Variants in CLECL1 observed in about 807,000 individuals in gnomAD.
The protein encoded by CLECL1 is C-type lectin like 1, also known as C-type lectin-like domain family 1.
At chr12:9,715,410 G>C (rs1379931611), downstream of CLECL1, among the ~76,000 whole-genome samples, 1 of 152,146 alleles carries the variant, frequency 6.6e-6, no homozygotes, top group East Asian at 1.9e-4. Context: ...GTGATCATGG[G>C]AGGTTCAAAG....
At chr12:9,710,691 CAG>C in the CLECL1 span, among the ~76,000 whole-genome samples, 2 of 152,134 alleles carry the variant, frequency 1.3e-5, no homozygotes, top group Non-Finnish European at 2.9e-5. Context: ...GAGGAACACA[CAG>C]GGAGAGGAAC....
downstream of CLECL1, among the ~76,000 whole-genome samples, chr12:9,721,118 T>A (rs1866304403): frequency 6.6e-6 from 1 of 152,214 alleles, no homozygotes; most frequent in South Asian, 2.1e-4. Flanking sequence ...TTTTTATGCC[T>A]CTTTCCCTGC....
chr12:9,706,000 G>C, the CLECL1 span, among the ~76,000 whole-genome samples: 2,514 of 152,148 alleles, frequency 0.017, 60 homozygotes, highest in African/African-American at 0.054. Flanking sequence ...TTCTTCCTAT[G>C]CATAAGCATG....
downstream of CLECL1, among the ~76,000 whole-genome samples, chr12:9,720,932 C>A (rs1866302645): frequency 6.6e-6 from 1 of 152,214 alleles, no homozygotes; most frequent in South Asian, 2.1e-4. Flanking sequence ...TCCTCTCTCT[C>A]GCATGTGCCT....
intron 3 of CLECL1, among the ~76,000 whole-genome samples, chr12:9,727,084 C>A (rs1190848716): frequency 6.6e-6 from 1 of 151,412 alleles, no homozygotes; most frequent in Non-Finnish European, 1.5e-5. Context: ...AAATTAAAAT[C>A]AAATAACCTA....
upstream of CLECL1, among the ~76,000 whole-genome samples, chr12:9,734,111 G>A (rs897707321): frequency 6.6e-6 from 1 of 152,232 alleles, no homozygotes; most frequent in Non-Finnish European, 1.5e-5. Flanking sequence ...ATCTGCATAT[G>A]GAAAAACTGG....
the CLECL1 span, among the ~76,000 whole-genome samples, chr12:9,703,887 C>T: frequency 6.6e-6 from 1 of 151,854 alleles, no homozygotes; most frequent in Non-Finnish European, 1.5e-5. Context: ...TATTGACTTG[C>T]GTATTCTACA....
At chr12:9,721,352 A>C (rs1231421877), downstream of CLECL1, among the ~76,000 whole-genome samples, 1 of 151,310 alleles carries the variant, frequency 6.6e-6, no homozygotes, top group African/African-American at 2.4e-5. Context: ...TTTTTGGGAG[A>C]TGTTTAGAAA....
chr12:9,724,004 G>A (rs1298454099), intron 3 of CLECL1, among the ~76,000 whole-genome samples: 1 of 151,754 alleles, frequency 6.6e-6, no homozygotes. Flanking sequence ...GGCCAACACG[G>A]CAAAATCCCA....
chr12:9,708,604 A>G, the CLECL1 span, among the ~76,000 whole-genome samples: 1 of 152,164 alleles, frequency 6.6e-6, no homozygotes, highest in East Asian at 1.9e-4. Context: ...GCTTCGTGAC[A>G]TAAACAGGCC....
the CLECL1 span, among the ~76,000 whole-genome samples, chr12:9,704,743 G>T: frequency 8.6e-5 from 13 of 152,044 alleles, no homozygotes; most frequent in Non-Finnish European, 1.3e-4. Context: ...ACATGATCTT[G>T]TTCCTTTTTA....
chr12:9,706,970 C>A, the CLECL1 span, among the ~76,000 whole-genome samples: 3 of 152,164 alleles, frequency 2.0e-5, no homozygotes, highest in African/African-American at 7.2e-5. Flanking sequence ...AGCTGTGAAT[C>A]CATCTGGTCC....
exon 1 of CLECL1, chr12:9,732,990 C>G (rs755254210): frequency 1.9e-6 from 3 of 1,612,452 alleles, no homozygotes; most frequent in Admixed American, 1.7e-5. Flanking sequence ...CGGGGAAGTC[C>G]GAACAGTTTT....
chr12:9,716,754 A>C, exon 3 of CLECL1: 1 of 1,277,080 alleles, frequency 7.8e-7, no homozygotes, highest in Non-Finnish European at 1.0e-6. Context: ...TTCTATATGC[A>C]TATGTCAAAA....
chr12:9,707,040 G>A, the CLECL1 span, among the ~76,000 whole-genome samples: 58,602 of 151,934 alleles, frequency 0.39, 12,508 homozygotes, highest in East Asian at 0.59. Flanking sequence ...AGAACTCATG[G>A]TTGGTCTTTC....
chr12:9,730,946 A>C lies in CLECL1; in HGVS notation n.83-1270T>G, dbSNP rs188154383. Among the ~76,000 whole-genome samples the C allele has an allele frequency of 4.2e-3, 642 of 152,302 alleles. 6 individuals carry two copies. Among genetic ancestry groups the C allele is most frequent in the African/African-American group, 0.015 (620 of 41,570 alleles). The stretch of plus-strand genomic sequence containing the variant: ...AGCGATCCTCCTTCCTCGGCATCCC[A>C]AAGTGTTGGGATTACAGGCGTCAGC... On this transcript the variant is annotated intron_variant and non_coding_transcript_variant, in intron 1 of 3. Coordinates refer to ENST00000621400, the Ensembl canonical transcript of CLECL1.
intron 1 of CLECL1, among the ~76,000 whole-genome samples, chr12:9,731,157 C>T (rs1401121148): frequency 1.3e-5 from 2 of 152,222 alleles, no homozygotes; most frequent in Non-Finnish European, 2.9e-5. Context: ...AGTTCAAACA[C>T]ACACTCTCAC....
the CLECL1 span, among the ~76,000 whole-genome samples, chr12:9,707,640 A>G: frequency 2.0e-5 from 3 of 152,156 alleles, no homozygotes; most frequent in African/African-American, 7.2e-5. Context: ...CCCCCATCAC[A>G]TGCCCTGCAA....
chr12:9,717,707 G>T (rs1384752363), downstream of CLECL1, among the ~76,000 whole-genome samples: 1 of 152,004 alleles, frequency 6.6e-6, no homozygotes, highest in Non-Finnish European at 1.5e-5. Context: ...TATTTGCCTG[G>T]GTCTATTTTG....
Sources: gnomAD v4.1 joint callset for allele counts (sites outside exome capture counted in the v4.1 genomes callset) on GRCh38, gnomAD v4.1.1 for gene constraint, MANE v1.5 for transcripts, NCBI Gene and HGNC (gene_info 2026-07-23, HGNC 2026-07-21) for gene names.